ZNF577: variants seen among roughly 807,000 people sequenced by gnomAD.
ZNF577 encodes zinc finger protein 577.
Under a neutral mutation model 13.9 loss-of-function variants are expected in ZNF577, and 14 were observed. The ratio of observed to expected loss-of-function variants is 1.00; its 90% CI spans 0.66 to 1.57. The LOEUF is 1.57. Ranked by LOEUF, ZNF577 falls within the 40% of genes most tolerant of loss-of-function variation. ZNF577 has a pLI of 0.00. For missense variants in ZNF577, 555 were observed against 579.2 expected, an observed-to-expected ratio of 0.96 and a Z score of 0.43; for synonymous variants, 203 against 202.9, an observed-to-expected ratio of 1.00 and a Z score of 0.00.
intron 5 of ZNF577, among the ~76,000 whole-genome samples, chr19:51,846,472 C>A (rs991997293): frequency 6.6e-6 from 1 of 152,020 alleles, no homozygotes; most frequent in Non-Finnish European, 1.5e-5. Context: ...CTTTGGGAGG[C>A]CGAGGCCGGT....
At position 51,878,740 on chromosome 19, in the gene ZNF577, CCTTT is replaced by C. The variant is rs1318670318; in HGVS notation, c.61-229_61-226del. On this transcript the variant is annotated intron_variant, in intron 3 of 5. Transcript: ENST00000638348. ...ACATGTAATAAGACTGTTCATTATT[CCTTT>C]GTTTCTCATAATGAAAAACTTACCA... The C allele has an allele frequency of 6.4e-5, 26 of 408,196 alleles. No individual in the cohort carries two copies. The Middle Eastern group carries it at 2.1e-3, about 33-fold the overall frequency. The allele number at this position is 408,196 out of a possible 1,614,324, so 25.3% of individuals were successfully genotyped here.
intron 9 of ZNF577, among the ~76,000 whole-genome samples, chr19:51,832,033 T>C (rs562071436): frequency 2.0e-5 from 3 of 152,228 alleles, no homozygotes; most frequent in Non-Finnish European, 4.4e-5. Context: ...GCAAATATTT[T>C]AGTTCTTTTC....
intron 9 of ZNF577, among the ~76,000 whole-genome samples, chr19:51,816,079 A>C (rs202199831): frequency 1.7e-5 from 2 of 120,374 alleles, no homozygotes; most frequent in African/African-American, 3.2e-5. Flanking sequence ...AAAAAAAAAA[A>C]ACCCTTGAGA....
At chr19:51,851,677 C>T (rs1429248372) in intron 5 of ZNF577, among the ~76,000 whole-genome samples, 1 of 152,064 alleles carries the variant, frequency 6.6e-6, no homozygotes, top group African/African-American at 2.4e-5. Flanking sequence ...CTCTTCAACT[C>T]CTCAAACCCA....
intron 1 of ZNF577, among the ~76,000 whole-genome samples, chr19:51,882,734 A>G (rs971335835): frequency 6.6e-6 from 1 of 152,074 alleles, no homozygotes; most frequent in Admixed American, 6.6e-5. Flanking sequence ...AATTGAGTTT[A>G]TGACCGCATC....
At chr19:51,849,860 A>T (rs942222103) in intron 5 of ZNF577, among the ~76,000 whole-genome samples, 1 of 152,258 alleles carries the variant, frequency 6.6e-6, no homozygotes, top group Non-Finnish European at 1.5e-5. Flanking sequence ...GTTTACTTAT[A>T]CAATGGAATA....
intron 9 of ZNF577, among the ~76,000 whole-genome samples, chr19:51,819,846 G>A (rs753104743): frequency 1.3e-4 from 20 of 152,296 alleles, no homozygotes; most frequent in Non-Finnish European, 2.1e-4. Flanking sequence ...TAGGATAATG[G>A]TTACTTGGTA....
intron 9 of ZNF577, among the ~76,000 whole-genome samples, chr19:51,827,756 T>A (rs1271559342): frequency 6.6e-6 from 1 of 152,204 alleles, no homozygotes; most frequent in East Asian, 1.9e-4. Context: ...AAATAACTCA[T>A]AACTCAGCCC....
intron 9 of ZNF577, among the ~76,000 whole-genome samples, chr19:51,820,743 T>G (rs1378207642): frequency 2.0e-5 from 3 of 152,196 alleles, no homozygotes; most frequent in Non-Finnish European, 4.4e-5. Flanking sequence ...GAGCTCCAAC[T>G]CTGGTTCTAC....
At chr19:51,807,778 C>G (rs1205151826) in intron 10 of ZNF577, among the ~76,000 whole-genome samples, 1 of 152,218 alleles carries the variant, frequency 6.6e-6, no homozygotes, top group Admixed American at 6.5e-5. Flanking sequence ...GTTTGCCAGG[C>G]AGTCGACATT....
At chr19:51,819,200 A>G (rs2122479679) in intron 9 of ZNF577, among the ~76,000 whole-genome samples, 1 of 152,354 alleles carries the variant, frequency 6.6e-6, no homozygotes, top group African/African-American at 2.4e-5. Context: ...GGGACAAGCA[A>G]CAGTTTAGTT....
chr19:51,813,712 T>G (rs534421370), intron 9 of ZNF577, among the ~76,000 whole-genome samples: 1 of 152,162 alleles, frequency 6.6e-6, no homozygotes, highest in East Asian at 1.9e-4. Flanking sequence ...GCTTTTGTAT[T>G]TTTAGTAGAG....
At chr19:51,882,993 A>ATT (rs536929212) in intron 1 of ZNF577, among the ~76,000 whole-genome samples, 35 of 133,000 alleles carry the variant, frequency 2.6e-4, no homozygotes, top group Admixed American at 4.6e-4. Context: ...TTTAAAAAAA[A>ATT]TTTTTTTTTT....
intron 1 of ZNF577, among the ~76,000 whole-genome samples, chr19:51,882,479 TAAAA>T (rs58821740): frequency 0.011 from 1,430 of 128,326 alleles, 22 homozygotes; most frequent in African/African-American, 0.038. Context: ...CAGTATCCAA[TAAAA>T]AAAAAAAAAA....
chr19:51,870,610 A>G lies in ZNF577; in HGVS notation c.*1922T>C, dbSNP rs1308946778. The stretch of plus-strand genomic sequence containing the variant: ...TTTCTTCCTGTTCTTCCTCCAGCCT[A>G]GGGGGGGTTTCTCACATACATATGC... On this transcript the variant is annotated 3_prime_UTR_variant, in exon 6 of 6. Transcript: ENST00000638348. Among the ~76,000 whole-genome samples, 1 of 145,234 alleles carries G rather than the reference A, an allele frequency of 6.9e-6. No individual in the cohort carries two copies. Among genetic ancestry groups the G allele is most frequent in the African/African-American group, 2.8e-5 (1 of 35,880 alleles).
At chr19:51,863,684 T>G (rs1465799151), downstream of ZNF577, among the ~76,000 whole-genome samples, 1 of 152,188 alleles carries the variant, frequency 6.6e-6, no homozygotes, top group Non-Finnish European at 1.5e-5. Context: ...TCTAGACCAT[T>G]TGGAGACAAG....
intron 5 of ZNF577, among the ~76,000 whole-genome samples, chr19:51,850,535 A>T (rs375612507): frequency 6.6e-6 from 1 of 152,212 alleles, no homozygotes; most frequent in Non-Finnish European, 1.5e-5. Flanking sequence ...TATGCAGTTC[A>T]TCCCTCTACT....
intron 9 of ZNF577, among the ~76,000 whole-genome samples, chr19:51,821,276 C>CT: frequency 6.6e-6 from 1 of 152,324 alleles, no homozygotes; most frequent in Admixed American, 6.5e-5. Flanking sequence ...GAGTAGCGAT[C>CT]TAACTGACCC....
chr19:51,856,655 G>C (rs902627414), intron 5 of ZNF577, among the ~76,000 whole-genome samples: 1 of 152,172 alleles, frequency 6.6e-6, no homozygotes, highest in Non-Finnish European at 1.5e-5. Flanking sequence ...CTCTGAAGAA[G>C]AGACACTGTT....
Sources: allele counts gnomAD v4.1 joint callset (sites outside exome capture counted in the v4.1 genomes callset), GRCh38; gene constraint gnomAD v4.1.1; transcripts MANE v1.5; gene names NCBI Gene and HGNC (gene_info 2026-07-23, HGNC 2026-07-21).